The following EPB41L3 variants were observed in gnomAD, a reference collection of about 807,000 sequenced individuals.
EPB41L3 encodes band 4.1-like protein 3.
Under a neutral mutation model 127.1 loss-of-function variants are expected in EPB41L3, and 57 were observed. The observed-to-expected ratio is 0.45, with a 90% CI of 0.36 to 0.56. The LOEUF is 0.56. Ranked by LOEUF, EPB41L3 falls within the 20% of genes least tolerant of loss-of-function variation. The pLI is 0.00. For missense variants in EPB41L3, 1,273 were observed against 1,372.2 expected (o/e 0.93, Z 1.14); for synonymous variants, 572 against 549.5 (o/e 1.04, Z -0.57).
At chr18:5,533,629 CTCT>C (rs1314681079) in intron 1 of EPB41L3, among the ~76,000 whole-genome samples, 2 of 152,290 alleles carry the variant, frequency 1.3e-5, no homozygotes, top group East Asian at 3.9e-4. Context: ...ATAGAAGCAT[CTCT>C]TCTTCAAGGC....
At chr18:5,566,779 A>ATTCTG (rs1446810269) in intron 3 of EPB41L3, among the ~76,000 whole-genome samples, 1 of 128,948 alleles carries the variant, frequency 7.8e-6, no homozygotes. Context: ...ATTCTATTCT[A>ATTCTG]TTCTATTCTA....
chr18:5,470,861 T>C (rs574904460), intron 3 of EPB41L3, among the ~76,000 whole-genome samples: 1 of 152,296 alleles, frequency 6.6e-6, no homozygotes, highest in African/African-American at 2.4e-5. Context: ...CAGATAAACC[T>C]GTGCAGATGG....
Position 5,419,720 on chromosome 18 carries a change from G to A in EPB41L3, c.1497C>T (p.His499=), listed in dbSNP as rs780846021. The part of the protein sequence containing the change: ...EEVTPISAIR[H]EGKSPGLGTD... ...AGTCTGGGAGCTATACCTTTCCCTC[G>A]TGCCGGATGGCCGAGATGGGCGTGA... is the stretch of plus-strand genomic sequence containing the variant. Residue 499 remains histidine (H), a synonymous_variant, in exon 12 of 23, where the codon CAC becomes CAT. Transcript: ENST00000341928. 26 of 1,613,906 alleles carry A rather than the reference G, an allele frequency of 1.6e-5. 1 individual carries two copies. The Admixed American group carries it at 3.0e-4, about 19-fold the overall frequency.
intron 1 of EPB41L3, among the ~76,000 whole-genome samples, chr18:5,528,706 C>T (rs976692500): frequency 2.0e-5 from 3 of 151,944 alleles, no homozygotes; most frequent in African/African-American, 7.3e-5. Context: ...CAAGTGATTC[C>T]CATGCCTCAG....
intron 3 of EPB41L3, chr18:5,570,948 T>G (rs1303779407): frequency 6.6e-6 from 1 of 152,244 alleles, no homozygotes. Context: ...TTGTATCAAA[T>G]GTCTGTAATT....
chr18:5,490,953 C>G (rs1014702495), intron 1 of EPB41L3, among the ~76,000 whole-genome samples: 1 of 152,200 alleles, frequency 6.6e-6, no homozygotes, highest in African/African-American at 2.4e-5. Context: ...CCACTACCCC[C>G]CATCTCAAGG....
At chr18:5,396,358 TG>T (rs2073460669) in intron 18 of EPB41L3, 26 bp from the exon 19 acceptor site, 1 of 1,613,740 alleles carries the variant, frequency 6.2e-7, no homozygotes, top group Admixed American at 1.7e-5. Context: ...GTAAGCAGAG[TG>T]GCTGTTATAG....
At chr18:5,611,090 T>G (rs972506928) in intron 3 of EPB41L3, among the ~76,000 whole-genome samples, 1 of 152,216 alleles carries the variant, frequency 6.6e-6, no homozygotes, top group African/African-American at 2.4e-5. Flanking sequence ...CACTCAGGCC[T>G]CCTGGGCCTC....
At chr18:5,417,403 G>A (rs551455730) in intron 12 of EPB41L3, among the ~76,000 whole-genome samples, 2 of 152,146 alleles carry the variant, frequency 1.3e-5, no homozygotes, top group South Asian at 2.1e-4. Context: ...TGCAGGTGGC[G>A]GAGGGGTTGC....
At chr18:5,588,170 G>A (rs1354224410) in intron 3 of EPB41L3, among the ~76,000 whole-genome samples, 3 of 152,166 alleles carry the variant, frequency 2.0e-5, no homozygotes, top group African/African-American at 7.2e-5. Flanking sequence ...GTAAATGAGT[G>A]CAATAAACTT....
intron 3 of EPB41L3, among the ~76,000 whole-genome samples, chr18:5,569,671 T>C (rs1264427112): frequency 6.6e-6 from 1 of 152,238 alleles, no homozygotes. Flanking sequence ...GGCAGACAGC[T>C]TTCTACAGCT....
chr18:5,433,980 G>A lies in EPB41L3; in HGVS notation c.747C>T (p.Tyr249=), dbSNP rs1443740462. ...DYDPDECGSD[Y]ISEFRFAPNH... ...TTGGTGCAAAGCGGAACTCACTAAT[G>A]TAATCGCTCCCACATTCATCTGGGT... Residue 249 remains tyrosine, a synonymous_variant, in exon 7 of 23, where the codon TAC becomes TAT. Coordinates refer to ENST00000341928, the MANE Select transcript of EPB41L3 (RefSeq NM_012307.5). 8.7e-6 allele frequency: 14 copies of A among 1,614,042 alleles called. No homozygotes were observed. The highest frequency in any genetic ancestry group is 1.1e-5 in the Non-Finnish European group (13 of 1,180,052).
intron 1 of EPB41L3, among the ~76,000 whole-genome samples, chr18:5,522,268 TA>T (rs2093024540): frequency 6.6e-6 from 1 of 151,584 alleles, no homozygotes; most frequent in Non-Finnish European, 1.5e-5. Context: ...CATGCTCAGC[TA>T]AATTTTTTTG....
chr18:5,554,133 C>T (rs915629584), intron 3 of EPB41L3, among the ~76,000 whole-genome samples: 3 of 152,196 alleles, frequency 2.0e-5, no homozygotes, highest in East Asian at 1.9e-4. Flanking sequence ...AAAACTGTGA[C>T]GGGGCTACCC....
At chr18:5,591,971 C>T (rs547964375) in intron 3 of EPB41L3, among the ~76,000 whole-genome samples, 2 of 152,194 alleles carry the variant, frequency 1.3e-5, no homozygotes, top group African/African-American at 4.8e-5. Flanking sequence ...TATAAAGAAA[C>T]TCTAAGCTAA....
At position 5,444,005 on chromosome 18, in the gene EPB41L3, G is replaced by A. The variant is rs962634132; in HGVS notation, c.487-125C>T. Reference sequence around the variant, plus strand: ...TGGTCGTGGGAAGGCTTCCCTTACTGTGGTCCTTCCCCCACATCTGGTGCC... The same window carrying A: ...TGGTCGTGGGAAGGCTTCCCTTACTATGGTCCTTCCCCCACATCTGGTGCC... On this transcript the variant is annotated intron_variant, in intron 4 of 22. Transcript: ENST00000341928. 10 of 763,352 alleles carry A rather than the reference G, an allele frequency of 1.3e-5. No individual in the cohort carries two copies. In the Admixed American group the frequency reaches 2.1e-4, roughly 16 times the overall value. 47.3% of individuals were successfully genotyped at this position (763,352 alleles called of 1,614,324 possible).
intron 3 of EPB41L3, among the ~76,000 whole-genome samples, chr18:5,449,945 T>C (rs992881658): frequency 6.6e-6 from 1 of 152,202 alleles, no homozygotes; most frequent in Non-Finnish European, 1.5e-5. Flanking sequence ...CAAAATATAC[T>C]GTAATAAAAG....
At chr18:5,471,094 G>A (rs1197952887) in intron 3 of EPB41L3, among the ~76,000 whole-genome samples, 1 of 152,178 alleles carries the variant, frequency 6.6e-6, no homozygotes, top group Non-Finnish European at 1.5e-5. Flanking sequence ...GTGGGCGTCA[G>A]GCAGGAAGAC....
chr18:5,441,555 T>C lies in EPB41L3; in HGVS notation c.529+2283A>G, dbSNP rs571127074. Among the ~76,000 whole-genome samples the C allele has an allele frequency of 6.0e-5, 9 of 149,856 alleles. No homozygotes were observed. In the East Asian group the frequency reaches 1.6e-3, roughly 26 times the overall value. ...ATCTCGACTCACTGCAAGCTCCGCC[T>C]CCCGGGTTCACGCCATTCTCCTGCC... On this transcript the variant is annotated intron_variant, in intron 5 of 22. Transcript: ENST00000341928.
Sources: gnomAD v4.1 joint callset for allele counts (sites outside exome capture counted in the v4.1 genomes callset) on GRCh38, gnomAD v4.1.1 for gene constraint, MANE v1.5 for transcripts, NCBI Gene and HGNC (gene_info 2026-07-23, HGNC 2026-07-21) for gene names.